Variants in RAPH1 observed in about 807,000 individuals in gnomAD.
RAPH1 encodes the protein Ras association (RalGDS/AF-6) and pleckstrin homology domains 1.
RAPH1 carries 18 observed loss-of-function variants against 88.1 expected under a neutral mutation model. The ratio of observed to expected loss-of-function variants is 0.20; its 90% CI spans 0.14 to 0.30. The LOEUF (loss-of-function observed/expected upper bound fraction) is 0.30. RAPH1 is among the 10% of genes least tolerant of loss of function. The pLI is 1.00. For missense variants in RAPH1, 1,448 were observed against 1,543.2 expected (o/e 0.94, Z 1.03); for synonymous variants, 587 against 559.0 (o/e 1.05, Z -0.71).
chr2:203,478,378 A>G (rs1235798119), intron 4 of RAPH1, among the ~76,000 whole-genome samples: 5 of 151,772 alleles, frequency 3.3e-5, no homozygotes, highest in African/African-American at 1.2e-4. Context: ...TCTCTTTTCC[A>G]TCATAGTTCC....
chr2:203,442,017 C>T (rs2098504707), intron 13 of RAPH1: 3 of 1,558,314 alleles, frequency 1.9e-6, no homozygotes, highest in South Asian at 2.5e-5. Context: ...GAGACAATTG[C>T]ATCCAACATG....
At chr2:203,457,245 T>C (rs2256627) in intron 8 of RAPH1, among the ~76,000 whole-genome samples, 15,761 of 152,146 alleles carry the variant, frequency 0.1, 1,664 homozygotes, top group African/African-American at 0.27. Flanking sequence ...TGGAATGCAG[T>C]GGTGCAATCT....
chr2:203,506,783 G>GATATATATATCTATATCTATATATCT (rs1689045761), intron 1 of RAPH1, among the ~76,000 whole-genome samples: 2 of 38,354 alleles, frequency 5.2e-5, no homozygotes, highest in Non-Finnish European at 1.0e-4. Context: ...TATATATCTA[G>GATATATATATCTATATCTATATATCT]ATATATATAT....
At chr2:203,461,171 CAA>C (rs1212463123) in intron 6 of RAPH1, 76 bp downstream of exon 6, 4 of 770,168 alleles carry the variant, frequency 5.2e-6, no homozygotes, top group African/African-American at 1.8e-5. Context: ...AAAGATAACT[CAA>C]AATGTTTTTA....
At chr2:203,441,663 G>A (rs2098504314) in intron 13 of RAPH1, 25 of 1,314,298 alleles carry the variant, frequency 1.9e-5, no homozygotes, top group Middle Eastern at 2.8e-4. Flanking sequence ...TAACAATCTA[G>A]GAAAAATGTC....
Position 203,439,260 on chromosome 2 carries a change from TACAC to T in RAPH1, c.*173_*176del, listed in dbSNP as rs199698487. ...ACACATACATATATGTATACATATATACACACACTGTACAGCTGTGTGTACATGC... is the reference window on the plus strand; with the variant it reads ...ACACATACATATATGTATACATATATACACTGTACAGCTGTGTGTACATGC... On this transcript the variant is annotated 3_prime_UTR_variant, in exon 14 of 14. Coordinates refer to ENST00000319170, the MANE Select transcript of RAPH1 (RefSeq NM_213589.3). 30 of 600,868 alleles carry T rather than the reference TACAC, an allele frequency of 5.0e-5. No homozygotes were observed. The highest frequency in any genetic ancestry group is 1.3e-4 in the African/African-American group (7 of 54,030). 37.2% of individuals were successfully genotyped at this position (600,868 alleles called of 1,614,324 possible).
chr2:203,435,358 C>G lies in RAPH1; in HGVS notation c.*4079G>C, dbSNP rs2098497610. ...CCAGCCTGGGCAACACAGTGAGACC[C>G]CCATCTCTACCAAAAAAAAAAAAAA... On this transcript the variant is annotated 3_prime_UTR_variant, in exon 14 of 14. Transcript: ENST00000319170. 1 of 121,838 alleles carries G rather than the reference C, an allele frequency of 8.2e-6. No homozygotes were observed. The highest frequency in any genetic ancestry group is 3.2e-5 in the African/African-American group (1 of 31,132). The allele number at this position is 121,838 out of a possible 1,614,324, so 7.5% of individuals were successfully genotyped here.
At chr2:203,503,328 G>A (rs972214131) in intron 1 of RAPH1, among the ~76,000 whole-genome samples, 1 of 152,156 alleles carries the variant, frequency 6.6e-6, no homozygotes, top group African/African-American at 2.4e-5. Flanking sequence ...ACCAGAGACT[G>A]GGAAGAAAGA....
intron 13 of RAPH1, chr2:203,443,913 G>C (rs1384616491): frequency 6.6e-6 from 1 of 151,604 alleles, no homozygotes; most frequent in Non-Finnish European, 1.5e-5. Context: ...AGCAGGCTGA[G>C]GTGGGAGGAT....
At chr2:203,482,663 C>G (rs937649249) in intron 4 of RAPH1, among the ~76,000 whole-genome samples, 3 of 151,962 alleles carry the variant, frequency 2.0e-5, no homozygotes, top group Non-Finnish European at 4.4e-5. Flanking sequence ...ATTAAATGGG[C>G]ATGATATTGT....
rs752652538 is a variant in RAPH1 at position 203,441,264 on chromosome 2, T to A, written c.1926A>T (p.Pro642=). The A allele has an allele frequency of 5.6e-5, 9 of 161,100 alleles. No individual in the cohort carries two copies. The highest frequency in any genetic ancestry group is 5.4e-4 in the Admixed American group (2 of 3,720). 10.0% of individuals were successfully genotyped at this position (161,100 alleles called of 1,614,324 possible). ...PPPPPPPPPP[P]PPPPPPLPSQ... is the part of the protein sequence containing the mutation. Reference sequence around the variant, plus strand: ...TGGGGAGTGGGGGAGGAGGGGGTGGTGGAGGGGGTGGTGGAGGAGGAGGTG... The same window carrying A: ...TGGGGAGTGGGGGAGGAGGGGGTGGAGGAGGGGGTGGTGGAGGAGGAGGTG... The change falls in exon 14 of 14, where the codon CCA becomes CCT. Residue 642 remains proline, a synonymous_variant. Transcript: ENST00000319170.
intron 1 of RAPH1, among the ~76,000 whole-genome samples, chr2:203,517,013 G>A (rs1390694766): frequency 6.6e-6 from 1 of 151,046 alleles, no homozygotes; most frequent in Non-Finnish European, 1.5e-5. Context: ...CAGCCTGGGT[G>A]ACAGAGTGAA....
intron 6 of RAPH1, among the ~76,000 whole-genome samples, 157 bp downstream of exon 6, chr2:203,461,092 G>A (rs189380633): frequency 3.3e-4 from 50 of 151,954 alleles, no homozygotes; most frequent in African/African-American, 1.0e-3. Flanking sequence ...CTTCAGTCTA[G>A]GTGACAGAGC....
intron 7 of RAPH1, 113 bp downstream of exon 7, chr2:203,459,794 G>C: frequency 9.3e-7 from 1 of 1,078,834 alleles, no homozygotes; most frequent in Non-Finnish European, 1.4e-6. Flanking sequence ...GATTTTGCAG[G>C]TATATCGCTC....
Position 203,444,921 on chromosome 2 carries a change from A to C in RAPH1, c.1723T>G (p.Ser575Ala), listed in dbSNP as rs146618916. 2.4e-4 allele frequency: 390 copies of C among 1,614,002 alleles called. No homozygotes were observed. The highest frequency in any genetic ancestry group is 3.1e-4 in the Non-Finnish European group (370 of 1,179,978). The change falls in exon 13 of 14, where the codon TCC (serine) becomes GCC (alanine). Residue 575 changes from serine to alanine, a missense_variant. Around this residue, in one of 2 missense-constraint regions of RAPH1, gnomAD observed 935 missense variants for 890.1 expected, o/e 1.05. Transcript: ENST00000319170. ...CGTTTCCAGGCTTCAGAGAATACGG[A>C]GCTCACAATGCTCTGGGAACGGACG... ...GHVRSQSIVS[S>A]VFSEAWKRGT...
At chr2:203,465,741 G>A (rs1023778987) in intron 4 of RAPH1, among the ~76,000 whole-genome samples, 3 of 152,228 alleles carry the variant, frequency 2.0e-5, no homozygotes, top group African/African-American at 7.2e-5. Flanking sequence ...GCTGGGTGCA[G>A]TGGTGGGCGC....
Position 203,440,356 on chromosome 2 carries a change from G to A in RAPH1, c.2834C>T (p.Thr945Ile), listed in dbSNP as rs751521906. Reference protein sequence around the residue: ...VPAPPPPPPPTASPTPDKSGS... With the variant: ...VPAPPPPPPPIASPTPDKSGS... ...ACTTTTGTCAGGGGTAGGAGAAGCT[G>A]TGGGTGGAGGTGGTGGTGGTGGGGC... is the stretch of plus-strand genomic sequence containing the variant. The change falls in exon 14 of 14, where the codon ACA becomes ATA. Residue 945 changes from threonine to isoleucine, a missense_variant. Thr to Ile is a moderately conservative substitution (Grantham distance 89). Around this residue, in one of 2 missense-constraint regions of RAPH1, gnomAD observed 935 missense variants for 890.1 expected, o/e 1.05. Transcript: ENST00000319170. 1.7e-5 allele frequency: 28 copies of A among 1,607,258 alleles called. No individual in the cohort carries two copies. The highest frequency in any genetic ancestry group is 2.4e-5 in the Non-Finnish European group (28 of 1,175,904).
intron 1 of RAPH1, among the ~76,000 whole-genome samples, chr2:203,521,730 A>AC (rs536644300): frequency 0.02 from 3,028 of 151,846 alleles, 48 homozygotes; most frequent in Non-Finnish European, 0.031. Flanking sequence ...TAAAGAGAAC[A>AC]CCCCCCCACA....
intron 1 of RAPH1, among the ~76,000 whole-genome samples, chr2:203,517,359 C>CAAAAAAAAAAAAAAAAAAAAAAAAGAA (rs1689663265): frequency 3.1e-5 from 1 of 32,148 alleles, no homozygotes; most frequent in Non-Finnish European, 6.0e-5. Context: ...CTATGAGAGG[C>CAAAAAAAAAAAAAAAAAAAAAAAAGAA]AAAAAAAAAA....
Sources: gnomAD v4.1 joint callset for allele counts (sites outside exome capture counted in the v4.1 genomes callset) on GRCh38, gnomAD v4.1.1 for gene constraint, gnomAD v4.1.1 regional missense constraint, MANE v1.5 for transcripts, NCBI Gene and HGNC (gene_info 2026-07-23, HGNC 2026-07-21) for gene names.